PTPRT: variants seen among roughly 807,000 people sequenced by gnomAD.
PTPRT encodes protein tyrosine phosphatase receptor type T.
PTPRT carries 56 observed loss-of-function variants against 176.8 expected under a neutral mutation model. The ratio of observed to expected loss-of-function variants is 0.32; its 90% CI spans 0.26 to 0.40. PTPRT has a LOEUF of 0.40. Ranked by LOEUF, PTPRT falls within the 10% of genes least tolerant of loss-of-function variation. PTPRT has a pLI of 1.00. For missense variants in PTPRT, 1,540 were observed against 1,908.2 expected, an observed-to-expected ratio of 0.81 and a Z score of 3.60; for synonymous variants, 783 against 739.0, an observed-to-expected ratio of 1.06 and a Z score of -0.96.
chr20:43,060,499 T>C (rs917763889), intron 1 of PTPRT, among the ~76,000 whole-genome samples: 2 of 152,234 alleles, frequency 1.3e-5, no homozygotes, highest in Non-Finnish European at 2.9e-5. Flanking sequence ...AAACAAATTG[T>C]ATGGGAACAT....
the PTPRT span, among the ~76,000 whole-genome samples, chr20:42,055,703 A>G: frequency 6.6e-6 from 1 of 152,140 alleles, no homozygotes; most frequent in Non-Finnish European, 1.5e-5. Flanking sequence ...CATGGGGGGA[A>G]TGAGAGGAAT....
chr20:42,769,971 A>AGAAG (rs2077039124), intron 5 of PTPRT, among the ~76,000 whole-genome samples: 2 of 152,220 alleles, frequency 1.3e-5, no homozygotes, highest in South Asian at 4.1e-4. Flanking sequence ...TGGGGAAGTC[A>AGAAG]GAAGGAAGTG....
chr20:43,031,477 A>G (rs1986135645), intron 1 of PTPRT, among the ~76,000 whole-genome samples: 1 of 152,204 alleles, frequency 6.6e-6, no homozygotes, highest in Admixed American at 6.5e-5. Context: ...AACTGTAAGC[A>G]ATACAATTGC....
Position 43,189,881 on chromosome 20 carries a change from T to C in PTPRT, c.-148A>G. 1 of 207,264 alleles carries C rather than the reference T, an allele frequency of 4.8e-6. No homozygotes were observed. 12.8% of individuals were successfully genotyped at this position (207,264 alleles called of 1,614,324 possible). A position where few individuals can be genotyped will look rare whatever the true frequency, so the allele number is the denominator to read the frequency against. ...GGCTCCCGGAGCCGGCGCTCCTGCG[T>C]TCCAAGCCGAGGCGCGGCGCGAACT... is the stretch of plus-strand genomic sequence containing the variant. On this transcript the variant is annotated 5_prime_UTR_variant, in exon 1 of 31. Coordinates refer to ENST00000373187, the MANE Select transcript of PTPRT (RefSeq NM_007050.6). The surrounding 1 kb of genome is among the most constrained non-coding windows in gnomAD (Gnocchi z 5.0).
intron 1 of PTPRT, among the ~76,000 whole-genome samples, chr20:43,114,956 T>C (rs534559407): frequency 1.3e-5 from 2 of 152,286 alleles, no homozygotes; most frequent in South Asian, 2.1e-4. Flanking sequence ...TTATAAATAG[T>C]ATTAATAATA....
At chr20:42,421,382 A>G (rs79369148) in intron 9 of PTPRT, among the ~76,000 whole-genome samples, 1 of 152,062 alleles carries the variant, frequency 6.6e-6, no homozygotes, top group African/African-American at 2.4e-5. Context: ...ATGTGACCTT[A>G]TTTGGGAAAA....
chr20:42,102,343 C>T lies in PTPRT; in HGVS notation c.3541-46G>A, dbSNP rs775088908. 10 of 1,578,576 alleles carry T rather than the reference C, an allele frequency of 6.3e-6. No individual in the cohort carries two copies. In the South Asian group the frequency reaches 1.0e-4, roughly 16 times the overall value. On this transcript the variant is annotated intron_variant, in intron 25 of 30. Coordinates refer to ENST00000373187, the MANE Select transcript of PTPRT (RefSeq NM_007050.6). The stretch of plus-strand genomic sequence containing the variant: ...TAGATAGGCCCTGCTCATTTGGCTG[C>T]CCCTGAGCAAAAGAGACAGTAATGT...
chr20:42,790,825 A>G (rs1600742619), intron 3 of PTPRT, among the ~76,000 whole-genome samples: 1 of 152,250 alleles, frequency 6.6e-6, no homozygotes, highest in Middle Eastern at 3.4e-3. Context: ...TTTACGAGTT[A>G]TTTCATCTCT....
At chr20:42,575,227 G>C (rs910834967) in intron 7 of PTPRT, among the ~76,000 whole-genome samples, 1 of 152,122 alleles carries the variant, frequency 6.6e-6, no homozygotes, top group African/African-American at 2.4e-5. Flanking sequence ...AAGGTGATGG[G>C]GGGCAGCAAG....
chr20:42,982,852 C>T (rs1242498439), intron 1 of PTPRT, among the ~76,000 whole-genome samples: 4 of 152,224 alleles, frequency 2.6e-5, no homozygotes, highest in Non-Finnish European at 5.9e-5. Flanking sequence ...ACTGCAGGCA[C>T]AATTCCTCTG....
chr20:42,700,246 C>T (rs767311756), intron 6 of PTPRT, among the ~76,000 whole-genome samples: 1 of 152,120 alleles, frequency 6.6e-6, no homozygotes, highest in Non-Finnish European at 1.5e-5. Context: ...AGTCACCTTG[C>T]CCTTCTCGCC....
chr20:42,914,336 G>A (rs1163489730), intron 1 of PTPRT, among the ~76,000 whole-genome samples: 1 of 152,108 alleles, frequency 6.6e-6, no homozygotes, highest in East Asian at 1.9e-4. Flanking sequence ...GTGATTAGTT[G>A]CCTGTGCTCA....
At chr20:42,976,819 T>C (rs542277730) in intron 1 of PTPRT, among the ~76,000 whole-genome samples, 1 of 152,240 alleles carries the variant, frequency 6.6e-6, no homozygotes, top group Non-Finnish European at 1.5e-5. Flanking sequence ...TAAAAGTTTA[T>C]GTGAGTTTAT....
At chr20:42,053,910 A>C in the PTPRT span, among the ~76,000 whole-genome samples, 1 of 152,094 alleles carries the variant, frequency 6.6e-6, no homozygotes, top group Non-Finnish European at 1.5e-5. Context: ...GCTGGAGAGG[A>C]AGAGGGGTCT....
intron 7 of PTPRT, among the ~76,000 whole-genome samples, chr20:42,611,777 T>G (rs1462276821): frequency 6.6e-6 from 1 of 152,106 alleles, no homozygotes; most frequent in African/African-American, 2.4e-5. Flanking sequence ...CAGACTGCCA[T>G]GAAATAAACC....
chr20:42,152,816 T>C (rs550577197), intron 17 of PTPRT, among the ~76,000 whole-genome samples: 2 of 152,360 alleles, frequency 1.3e-5, no homozygotes, highest in African/African-American at 4.8e-5. Flanking sequence ...CCAGGGGCCA[T>C]GATCATAACC....
In PTPRT at chr20:42,085,728, C is replaced by T; in HGVS notation, c.3972G>A (p.Arg1324=). 1.2e-6 allele frequency: 2 copies of T among 1,613,698 alleles called. No individual in the cohort carries two copies. Among genetic ancestry groups the T allele is most frequent in the South Asian group, 2.2e-5 (2 of 91,056 alleles). Residue 1324 remains arginine, a splice_region_variant and synonymous_variant, in exon 28 of 31, where the codon CGG becomes CGA. Transcript: ENST00000373187. ...HRIFRICNMA[R]PQDGYRIVQH... ...CAAGCAATGGCGGCCGTGTACTTAC[C>T]CGGGCCATGTTACAGATGCGGAATA... is the stretch of plus-strand genomic sequence containing the variant.
intron 1 of PTPRT, among the ~76,000 whole-genome samples, chr20:43,027,260 G>A (rs1985949157): frequency 6.6e-6 from 1 of 152,142 alleles, no homozygotes; most frequent in African/African-American, 2.4e-5. Context: ...GGCAGATCAT[G>A]AGGTCAGGAG....
intron 5 of PTPRT, among the ~76,000 whole-genome samples, chr20:42,759,979 A>T (rs535552088): frequency 2.0e-5 from 3 of 152,198 alleles, no homozygotes; most frequent in Admixed American, 2.0e-4. Flanking sequence ...AGGGGCTAAG[A>T]AAGGATGAGA....
Sources: allele counts gnomAD v4.1 joint callset (sites outside exome capture counted in the v4.1 genomes callset), GRCh38; gene constraint gnomAD v4.1.1; non-coding constraint Gnocchi (gnomAD v3.1); transcripts MANE v1.5; gene names NCBI Gene and HGNC (gene_info 2026-07-23, HGNC 2026-07-21).